The following ARB2A variants were observed in gnomAD, a reference collection of about 807,000 sequenced individuals.
The protein encoded by ARB2A is ARB2 cotranscriptional regulator A.
the ARB2A span, among the ~76,000 whole-genome samples, chr5:93,813,730 AG>A: frequency 6.6e-6 from 1 of 152,164 alleles, no homozygotes; most frequent in Non-Finnish European, 1.5e-5. Context: ...TGGGTTTCCT[AG>A]CCTCCTGAAC....
At chr5:93,866,265 C>T in the ARB2A span, 788,559 of 982,246 alleles carry the variant, frequency 0.8, 317,502 homozygotes, top group East Asian at 0.95. Flanking sequence ...AATGAAGTAC[C>T]GTTAATGTCA....
the ARB2A span, among the ~76,000 whole-genome samples, chr5:93,760,592 A>C: frequency 5.9e-5 from 9 of 152,198 alleles, no homozygotes; most frequent in Non-Finnish European, 1.2e-4. Flanking sequence ...CACAGAAATA[A>C]ATTCAAATAC....
chr5:93,926,161 C>T, the ARB2A span, among the ~76,000 whole-genome samples: 3 of 150,790 alleles, frequency 2.0e-5, no homozygotes, highest in South Asian at 2.1e-4. Context: ...CAGAGTTTTG[C>T]TCTTGTTGCC....
chr5:93,947,463 C>G, the ARB2A span, among the ~76,000 whole-genome samples: 2 of 151,564 alleles, frequency 1.3e-5, no homozygotes, highest in Non-Finnish European at 2.9e-5. Context: ...CTCACTCTGT[C>G]ACCCAGGTGA....
the ARB2A span, among the ~76,000 whole-genome samples, chr5:93,713,949 G>C: frequency 1.3e-5 from 2 of 152,190 alleles, no homozygotes; most frequent in African/African-American, 4.8e-5. Context: ...TGAGGAGATA[G>C]TGATCCTCAG....
the ARB2A span, among the ~76,000 whole-genome samples, chr5:94,085,488 A>G: frequency 6.6e-6 from 1 of 152,216 alleles, no homozygotes. Context: ...GATTGTTGTT[A>G]CGGGCCTCCC....
the ARB2A span, among the ~76,000 whole-genome samples, chr5:94,005,861 A>G: frequency 2.0e-5 from 3 of 152,296 alleles, no homozygotes; most frequent in Non-Finnish European, 4.4e-5. Context: ...AAAATGACTG[A>G]AAAAAACATA....
the ARB2A span, among the ~76,000 whole-genome samples, chr5:93,956,783 C>G: frequency 6.6e-6 from 1 of 151,966 alleles, no homozygotes; most frequent in Non-Finnish European, 1.5e-5. Flanking sequence ...CAACACCTCC[C>G]CATCCACAGA....
the ARB2A span, chr5:93,621,030 G>A: frequency 6.2e-7 from 1 of 1,611,460 alleles, no homozygotes. Flanking sequence ...GCGCGTCACA[G>A]CCGGCTTCAG....
the ARB2A span, among the ~76,000 whole-genome samples, chr5:93,661,978 A>C: frequency 6.6e-6 from 1 of 152,154 alleles, no homozygotes; most frequent in East Asian, 1.9e-4. Flanking sequence ...AGATAAACAG[A>C]GACCACTCTT....
chr5:93,817,201 C>CAATGATATTTATTGAATTATTTTCA, the ARB2A span, among the ~76,000 whole-genome samples: 1 of 151,842 alleles, frequency 6.6e-6, no homozygotes, highest in African/African-American at 2.4e-5. Context: ...TCTACTAGTA[C>CAATGATATTTATTGAATTATTTTCA]TGAATATGAA....
the ARB2A span, among the ~76,000 whole-genome samples, chr5:93,941,311 A>G: frequency 6.6e-6 from 1 of 152,120 alleles, no homozygotes; most frequent in South Asian, 2.1e-4. Context: ...GAAGGACCAC[A>G]GAAAAGGGAT....
At chr5:93,674,249 C>T in the ARB2A span, among the ~76,000 whole-genome samples, 4 of 152,304 alleles carry the variant, frequency 2.6e-5, no homozygotes, top group East Asian at 5.8e-4. Flanking sequence ...ACAGCTCAGT[C>T]GCCTCCAGTG....
chr5:93,673,095 C>A, the ARB2A span, among the ~76,000 whole-genome samples: 2 of 152,172 alleles, frequency 1.3e-5, no homozygotes, highest in Non-Finnish European at 2.9e-5. Context: ...TTAATAGAAT[C>A]TATTTTCTTC....
At chr5:93,866,987 G>GA in the ARB2A span, among the ~76,000 whole-genome samples, 889 of 149,296 alleles carry the variant, frequency 6.0e-3, 8 homozygotes, top group African/African-American at 0.02. Context: ...CCTTTAATGT[G>GA]AAAAAAAAAT....
chr5:94,075,885 A>G, the ARB2A span, among the ~76,000 whole-genome samples: 1 of 152,182 alleles, frequency 6.6e-6, no homozygotes, highest in Non-Finnish European at 1.5e-5. Flanking sequence ...TATAAGAGAA[A>G]GGGCACTCTG....
chr5:93,764,978 T>C, the ARB2A span, among the ~76,000 whole-genome samples: 1 of 152,168 alleles, frequency 6.6e-6, no homozygotes, highest in Non-Finnish European at 1.5e-5. Context: ...GAAAAGACCT[T>C]TGACAAAATT....
the ARB2A span, among the ~76,000 whole-genome samples, chr5:93,917,859 CAG>C: frequency 2.6e-5 from 4 of 152,138 alleles, no homozygotes; most frequent in African/African-American, 7.2e-5. Flanking sequence ...GCCTGAATAA[CAG>C]AGTCAAACCC....
At chr5:94,023,825 A>G in the ARB2A span, among the ~76,000 whole-genome samples, 2 of 152,160 alleles carry the variant, frequency 1.3e-5, no homozygotes, top group African/African-American at 2.4e-5. Context: ...CAATGACTAA[A>G]AGCTTAGAAA....
Sources: allele counts gnomAD v4.1 joint callset (sites outside exome capture counted in the v4.1 genomes callset), GRCh38; gene constraint gnomAD v4.1.1; transcripts MANE v1.5; gene names NCBI Gene and HGNC (gene_info 2026-07-23, HGNC 2026-07-21).